Variants in SCRT1 observed in about 807,000 individuals in gnomAD.
The protein encoded by SCRT1 is scratch family transcriptional repressor 1, also known as transcriptional repressor scratch 1.
Under a neutral mutation model 3.4 loss-of-function variants are expected in SCRT1, and 1 was observed. The ratio of observed to expected loss-of-function variants is 0.29; its 90% CI spans 0.10 to 1.39. The LOEUF is 1.39. SCRT1 is among the 40% of genes most tolerant of loss of function. SCRT1 has a pLI of 0.42. For missense variants in SCRT1, 380 were observed against 526.3 expected (o/e 0.72, Z 2.72); for synonymous variants, 238 against 247.0 (o/e 0.96, Z 0.34).
chr8:144,336,378 C>T lies in SCRT1; in HGVS notation c.-209G>A, dbSNP rs1020055929. ...TCCGGATCCCTCTTCTTCCTCCTTC[C>T]TTCAATCCTTCCTTCCTTCCTTCAA... On this transcript the variant is annotated 5_prime_UTR_variant, in exon 1 of 2. Coordinates refer to ENST00000569446, the MANE Select transcript of SCRT1 (RefSeq NM_031309.6). This position sits in a 1 kb window ranked among gnomAD's most constrained non-coding sequence, Gnocchi z 6.8. 1.4e-5 allele frequency: 7 copies of T among 497,580 alleles called. No individual in the cohort carries two copies. The highest frequency in any genetic ancestry group is 4.0e-5 in the Admixed American group (1 of 24,908). The allele number at this position is 497,580 out of a possible 1,614,324, so 30.8% of individuals were successfully genotyped here.
chr8:144,335,994 G>T lies in SCRT1; in HGVS notation c.115+61C>A. The T allele has an allele frequency of 8.3e-7, 1 of 1,210,032 alleles. No individual in the cohort carries two copies. The highest frequency in any genetic ancestry group is 1.1e-6 in the Non-Finnish European group (1 of 875,738). 75.0% of individuals were successfully genotyped at this position (1,210,032 alleles called of 1,614,324 possible). ...CCCTGCCCTCCGCCCCCACACTCTG[G>T]CCCTCCACCGCTTCCAGCAAAGCCC... is the stretch of plus-strand genomic sequence containing the variant. On this transcript the variant is annotated intron_variant, in intron 1 of 1. Coordinates refer to ENST00000569446, the MANE Select transcript of SCRT1 (RefSeq NM_031309.6). The surrounding 1 kb of genome is among the most constrained non-coding windows in gnomAD (Gnocchi z 7.7).
chr8:144,333,128 C>T lies in SCRT1; in HGVS notation c.*57G>A, dbSNP rs1817818195. The T allele has an allele frequency of 7.2e-7, 1 of 1,386,026 alleles. No homozygotes were observed. Among genetic ancestry groups the T allele is most frequent in the Non-Finnish European group, 9.5e-7 (1 of 1,055,376 alleles). 85.9% of individuals were successfully genotyped at this position (1,386,026 alleles called of 1,614,324 possible). ...CCCTCCACCCGGACGCCAGCGAAGA[C>T]TTCCCTGGGGGGCCGTATTGCTGAG... On this transcript the variant is annotated 3_prime_UTR_variant, in exon 2 of 2. Transcript: ENST00000569446.
chr8:144,333,990 G>A lies in SCRT1; in HGVS notation c.242C>T (p.Ala81Val), dbSNP rs1483632544. 2 of 1,423,248 alleles carry A rather than the reference G, an allele frequency of 1.4e-6. No homozygotes were observed. Among genetic ancestry groups the A allele is most frequent in the Non-Finnish European group, 1.8e-6 (2 of 1,089,602 alleles). 88.2% of individuals were successfully genotyped at this position (1,423,248 alleles called of 1,614,324 possible). ...AAVRGELGPA[A>V]AGSAPPPTPR... ...GGTGGGCGGCGGCGCAGACCCTGCA[G>A]CCGCCGGACCCAGCTCTCCACGCAC... Residue 81 changes from alanine (A) to valine (V), a missense_variant, in exon 2 of 2, where the codon GCT (alanine) becomes GTT (valine). Physicochemically the swap from Ala to Val is moderately conservative, Grantham distance 64. Transcript: ENST00000569446.
At chr8:144,334,336 G>A (rs959564276) in intron 1 of SCRT1, among the ~76,000 whole-genome samples, 1 of 151,914 alleles carries the variant, frequency 6.6e-6, no homozygotes, top group Non-Finnish European at 1.5e-5. Flanking sequence ...GGATGAGACA[G>A]GGCCGGGCCA....
At position 144,335,913 on chromosome 8, in the gene SCRT1, A is replaced by G. The variant is rs1401082395; in HGVS notation, c.115+142T>C. ...TTCCCCTTCCTCCCCTCTACCGTCC[A>G]GGCTCCAGCCACAGACTCTTGCCGT... is the stretch of plus-strand genomic sequence containing the variant. On this transcript the variant is annotated intron_variant, in intron 1 of 1. Transcript: ENST00000569446. This position sits in a 1 kb window ranked among gnomAD's most constrained non-coding sequence, Gnocchi z 7.7. The G allele has an allele frequency of 6.7e-6, 4 of 598,040 alleles. No individual in the cohort carries two copies. Among genetic ancestry groups the G allele is most frequent in the African/African-American group, 5.8e-5 (3 of 51,522 alleles). The allele number at this position is 598,040 out of a possible 1,614,324, so 37.0% of individuals were successfully genotyped here.
rs1313458536 is a variant in SCRT1, at chr8:144,332,412, G to A, written c.*773C>T. 7.0e-6 allele frequency: 1 copy of A among 142,196 alleles called. No individual in the cohort carries two copies. The highest frequency in any genetic ancestry group is 1.6e-5 in the Non-Finnish European group (1 of 64,452). 8.8% of individuals were successfully genotyped at this position (142,196 alleles called of 1,614,324 possible). A position where few individuals can be genotyped will look rare whatever the true frequency, so the allele number is the denominator to read the frequency against. On this transcript the variant is annotated 3_prime_UTR_variant, in exon 2 of 2. Transcript: ENST00000569446. ...CTGGGGTACGGGGGTGGGGGGTGGGGGCCCGGGGCAGGGCGGAAGCGGGGT... is the reference window on the plus strand; with the variant it reads ...CTGGGGTACGGGGGTGGGGGGTGGGAGCCCGGGGCAGGGCGGAAGCGGGGT...
chr8:144,336,002 C>A lies in SCRT1; in HGVS notation c.115+53G>T. On this transcript the variant is annotated intron_variant, in intron 1 of 1. Coordinates refer to ENST00000569446, the MANE Select transcript of SCRT1 (RefSeq NM_031309.6). The surrounding 1 kb of genome is among the most constrained non-coding windows in gnomAD (Gnocchi z 6.8). ...TCCGCCCCCACACTCTGGCCCTCCA[C>A]CGCTTCCAGCAAAGCCCCAGGCCCC... 1 of 1,315,958 alleles carries A rather than the reference C, an allele frequency of 7.6e-7. No homozygotes were observed. The allele number at this position is 1,315,958 out of a possible 1,614,324, so 81.5% of individuals were successfully genotyped here. A position where few individuals can be genotyped will look rare whatever the true frequency, so the allele number is the denominator to read the frequency against.
Position 144,333,497 on chromosome 8 carries a change from G to C in SCRT1, c.735C>G (p.Asp245Glu). 6.2e-7 allele frequency: 1 copy of C among 1,605,470 alleles called. No homozygotes were observed. The highest frequency in any genetic ancestry group is 8.5e-7 in the Non-Finnish European group (1 of 1,178,024). Residue 245 changes from aspartate to glutamate, a missense_variant, in exon 2 of 2, where the codon GAC becomes GAG. Physicochemically the swap from Asp to Glu is conservative, Grantham distance 45. Coordinates refer to ENST00000569446, the MANE Select transcript of SCRT1 (RefSeq NM_031309.6). The part of the protein sequence containing the change: ...PAMAMHLLTH[D>E]LRHKCGVCGK... ...CGCACACGCCGCACTTGTGGCGCAGGTCGTGCGTGAGCAGGTGCATGGCCA... is the reference window on the plus strand; with the variant it reads ...CGCACACGCCGCACTTGTGGCGCAGCTCGTGCGTGAGCAGGTGCATGGCCA...
In SCRT1 at chr8:144,333,107, C is replaced by G. The variant is rs1588694136; in HGVS notation, c.*78G>C. On this transcript the variant is annotated 3_prime_UTR_variant, in exon 2 of 2. Transcript: ENST00000569446. Reference sequence around the variant, plus strand: ...AGGAGGGGCCCGCCCTCCGGCCCCTCCACCCGGACGCCAGCGAAGACTTCC... The same window carrying G: ...AGGAGGGGCCCGCCCTCCGGCCCCTGCACCCGGACGCCAGCGAAGACTTCC... The G allele has an allele frequency of 8.6e-6, 11 of 1,276,552 alleles. No individual in the cohort carries two copies. The highest frequency in any genetic ancestry group is 1.0e-5 in the Non-Finnish European group (10 of 958,472). 79.1% of individuals were successfully genotyped at this position (1,276,552 alleles called of 1,614,324 possible).
In SCRT1 at chr8:144,330,784, C is replaced by T. The variant is rs1291618213; in HGVS notation, c.*2401G>A. 16 of 9,706 alleles carry T rather than the reference C, an allele frequency of 1.6e-3. No individual in the cohort carries two copies. Among genetic ancestry groups the T allele is most frequent in the Admixed American group, 6.0e-3 (6 of 1,006 alleles). 0.6% of individuals were successfully genotyped at this position (9,706 alleles called of 1,614,324 possible). A position where few individuals can be genotyped will look rare whatever the true frequency, so the allele number is the denominator to read the frequency against. ...GGGCACAGGCGGGGGTGGGGGCGGG[C>T]GGGCCGGCGGCCGCAGCCCCCACCC... On this transcript the variant is annotated 3_prime_UTR_variant, in exon 2 of 2. Coordinates refer to ENST00000569446, the MANE Select transcript of SCRT1 (RefSeq NM_031309.6).
rs1460951951 is a variant in SCRT1 at position 144,332,053 on chromosome 8, G to T, written c.*1132C>A. On this transcript the variant is annotated 3_prime_UTR_variant, in exon 2 of 2. Coordinates refer to ENST00000569446, the MANE Select transcript of SCRT1 (RefSeq NM_031309.6). ...TGGGGGCGGGGCCTGGGTCTCAGGG[G>T]CGGGGCCTGGGTCTCAGGGGAGGGG... The T allele has an allele frequency of 6.6e-6, 1 of 151,862 alleles. No homozygotes were observed. Among genetic ancestry groups the T allele is most frequent in the African/African-American group, 2.4e-5 (1 of 41,308 alleles). The allele number at this position is 151,862 out of a possible 1,614,324, so 9.4% of individuals were successfully genotyped here.
Position 144,333,233 on chromosome 8 carries a change from T to C in SCRT1, c.999A>G (p.Gly333=), listed in dbSNP as rs1554849816. 6.3e-7 allele frequency: 1 copy of C among 1,597,642 alleles called. No individual in the cohort carries two copies. Among genetic ancestry groups the C allele is most frequent in the South Asian group, 1.1e-5 (1 of 89,192 alleles). Reference sequence around the variant, plus strand: ...GTGGCGGCGCAGGAGCCGCGGGGCCTCCGGCGCCGCCCTTGAAGCAGGCCG... The same window carrying C: ...GTGGCGGCGCAGGAGCCGCGGGGCCCCCGGCGCCGCCCTTGAAGCAGGCCG... ...YESACFKGGA[G]GPAAPAPPQL... The change falls in exon 2 of 2, where the codon GGA becomes GGG. Residue 333 remains glycine, a synonymous_variant. Transcript: ENST00000569446.
Position 144,333,306 on chromosome 8 carries a change from C to T in SCRT1, c.926G>A (p.Cys309Tyr). The change falls in exon 2 of 2, where the codon TGC becomes TAC. Residue 309 changes from cysteine (C) to tyrosine (Y), a missense_variant. Coordinates refer to ENST00000569446, the MANE Select transcript of SCRT1 (RefSeq NM_031309.6). ...SAFKHFQCKRCKKSFALKSYL... is the reference protein window; with the variant it reads ...SAFKHFQCKRYKKSFALKSYL... ...GGACTTGAGCGCGAAGCTCTTCTTG[C>T]AGCGCTTGCACTGGAAGTGCTTGAA... 1 of 1,612,876 alleles carries T rather than the reference C, an allele frequency of 6.2e-7. No homozygotes were observed. Among genetic ancestry groups the T allele is most frequent in the Non-Finnish European group, 8.5e-7 (1 of 1,179,766 alleles).
Position 144,336,097 on chromosome 8 carries a change from C to T in SCRT1, c.73G>A (p.Gly25Arg). The T allele has an allele frequency of 6.2e-7, 1 of 1,610,028 alleles. No individual in the cohort carries two copies. Among genetic ancestry groups the T allele is most frequent in the Non-Finnish European group, 8.5e-7 (1 of 1,178,472 alleles). The part of the protein sequence containing the change: ...FSSADLESAY[G>R]RARSDLGAPL... ...GCGCCGAGGTCGCTGCGGGCGCGTC[C>T]GTAGGCGCTCTCCAGGTCGGCCGAA... Residue 25 changes from glycine to arginine, a missense_variant, in exon 1 of 2, where the codon GGA becomes AGA. Physicochemically the swap from Gly to Arg is moderately radical, Grantham distance 125 (BLOSUM62 -2). Around this residue, in one of 5 missense-constraint regions of SCRT1, gnomAD observed 125 missense variants for 132.7 expected, o/e 0.94. Coordinates refer to ENST00000569446, the MANE Select transcript of SCRT1 (RefSeq NM_031309.6). This position sits in a 1 kb window ranked among gnomAD's most constrained non-coding sequence, Gnocchi z 6.8.
chr8:144,333,642 C>T lies in SCRT1; in HGVS notation c.590G>A (p.Gly197Asp). 1 of 1,591,306 alleles carries T rather than the reference C, an allele frequency of 6.3e-7. No individual in the cohort carries two copies. The highest frequency in any genetic ancestry group is 8.5e-7 in the Non-Finnish European group (1 of 1,173,406). Residue 197 changes from glycine to aspartate, a missense_variant, in exon 2 of 2, where the codon GGC (glycine) becomes GAC (aspartate). This residue lies in a region of SCRT1 where 56 missense variants were observed against 169.3 expected (regional missense o/e 0.33). Transcript: ENST00000569446. ...GTTCGACGACGTGGCGTATGTTTTG[C>T]CGCACTCGCCGCACGCGTGCCGGCC... is the stretch of plus-strand genomic sequence containing the variant. ...AGGRHACGEC[G>D]KTYATSSNLS...
At chr8:144,334,378 G>C (rs1442368267) in intron 1 of SCRT1, among the ~76,000 whole-genome samples, 1 of 151,972 alleles carries the variant, frequency 6.6e-6, no homozygotes, top group Non-Finnish European at 1.5e-5. Flanking sequence ...CCCTCGCAGA[G>C]AGGAGGAGAG....
In SCRT1 at chr8:144,335,990, T is replaced by A; in HGVS notation, c.115+65A>T. ...CGGGCCCTGCCCTCCGCCCCCACAC[T>A]CTGGCCCTCCACCGCTTCCAGCAAA... On this transcript the variant is annotated intron_variant, in intron 1 of 1. Transcript: ENST00000569446. The surrounding 1 kb of genome is among the most constrained non-coding windows in gnomAD (Gnocchi z 7.7). 3.6e-6 allele frequency: 4 copies of A among 1,103,884 alleles called. No individual in the cohort carries two copies. The highest frequency in any genetic ancestry group is 5.1e-6 in the Non-Finnish European group (4 of 787,366). 68.4% of individuals were successfully genotyped at this position (1,103,884 alleles called of 1,614,324 possible). A position where few individuals can be genotyped will look rare whatever the true frequency, so the allele number is the denominator to read the frequency against.
intron 1 of SCRT1, 52 bp from the exon 2 acceptor site, chr8:144,334,168 C>CG: frequency 1.1e-6 from 1 of 933,416 alleles, no homozygotes; most frequent in Non-Finnish European, 1.5e-6. Context: ...GGCGGCAGGA[C>CG]ACACACGGGG....
rs1817782884 is a variant in SCRT1, at chr8:144,332,343, G to A, written c.*842C>T. 2 of 147,584 alleles carry A rather than the reference G, an allele frequency of 1.4e-5. No individual in the cohort carries two copies. The highest frequency in any genetic ancestry group is 6.7e-5 in the Admixed American group (1 of 14,856). The allele number at this position is 147,584 out of a possible 1,614,324, so 9.1% of individuals were successfully genotyped here. A position where few individuals can be genotyped will look rare whatever the true frequency, so the allele number is the denominator to read the frequency against. The stretch of plus-strand genomic sequence containing the variant: ...AGAGGTGTGTAGAGGGCAGCGCCCA[G>A]GCCTGCCTGCCGGCCCCGGGAATCC... On this transcript the variant is annotated 3_prime_UTR_variant, in exon 2 of 2. Coordinates refer to ENST00000569446, the MANE Select transcript of SCRT1 (RefSeq NM_031309.6).
Sources: gnomAD v4.1 joint callset for allele counts (sites outside exome capture counted in the v4.1 genomes callset) on GRCh38, gnomAD v4.1.1 for gene constraint, gnomAD v4.1.1 regional missense constraint, Gnocchi (gnomAD v3.1) non-coding constraint, MANE v1.5 for transcripts, NCBI Gene and HGNC (gene_info 2026-07-23, HGNC 2026-07-21) for gene names.